The following DACH1 variants were observed in gnomAD, a reference collection of about 807,000 sequenced individuals.
DACH1 encodes dachshund homolog 1.
DACH1 carries 12 observed loss-of-function variants against 54.2 expected under a neutral mutation model. The ratio of observed to expected loss-of-function variants is 0.22; its 90% CI spans 0.14 to 0.36. The LOEUF is 0.36. Ranked by LOEUF, DACH1 falls within the 10% of genes least tolerant of loss-of-function variation. The probability of loss-of-function intolerance (pLI) is 1.00; values close to 1 mark genes in which losing one functional copy is unlikely to be tolerated. For missense variants in DACH1, 805 were observed against 929.8 expected, an observed-to-expected ratio of 0.87 and a Z score of 1.75; for synonymous variants, 386 against 366.2, an observed-to-expected ratio of 1.05 and a Z score of -0.62.
chr13:71,545,699 C>CA (rs959425978), intron 6 of DACH1, among the ~76,000 whole-genome samples: 3 of 152,018 alleles, frequency 2.0e-5, no homozygotes, highest in African/African-American at 4.8e-5. Context: ...ATATAGTCCA[C>CA]AAAATAATTC....
At chr13:71,472,423 T>C (rs905456582) in intron 10 of DACH1, among the ~76,000 whole-genome samples, 1 of 152,192 alleles carries the variant, frequency 6.6e-6, no homozygotes, top group African/African-American at 2.4e-5. Context: ...GGGTAATTAC[T>C]TAGCACTCAA....
chr13:71,443,797 G>A (rs1874214074), intron 10 of DACH1, among the ~76,000 whole-genome samples: 1 of 151,990 alleles, frequency 6.6e-6, no homozygotes, highest in South Asian at 2.1e-4. Flanking sequence ...AGACATTTTG[G>A]TATTAAATAA....
chr13:71,557,871 A>C (rs2138377785), intron 5 of DACH1, among the ~76,000 whole-genome samples: 1 of 151,968 alleles, frequency 6.6e-6, no homozygotes, highest in East Asian at 1.9e-4. Flanking sequence ...AGTTACTGAA[A>C]GACAAAATGG....
chr13:71,568,030 G>T (rs980128249), intron 4 of DACH1, among the ~76,000 whole-genome samples: 1 of 151,798 alleles, frequency 6.6e-6, no homozygotes, highest in African/African-American at 2.4e-5. Context: ...GATTTATATT[G>T]TTTATTTTAC....
At chr13:71,456,415 T>A (rs1875568422) in intron 10 of DACH1, among the ~76,000 whole-genome samples, 1 of 152,046 alleles carries the variant, frequency 6.6e-6, no homozygotes, top group Admixed American at 6.6e-5. Flanking sequence ...TTCCCATCAC[T>A]AGTGATTGTG....
intron 1 of DACH1, among the ~76,000 whole-genome samples, chr13:71,813,870 C>T (rs1285729231): frequency 6.6e-6 from 1 of 152,052 alleles, no homozygotes; most frequent in African/African-American, 2.4e-5. Flanking sequence ...GACCCAAAGC[C>T]TAAAGAGATG....
chr13:71,763,811 C>T (rs7139667), intron 1 of DACH1, among the ~76,000 whole-genome samples: 31,833 of 152,166 alleles, frequency 0.21, 5,431 homozygotes, highest in East Asian at 0.86. Context: ...GCAGAAAACA[C>T]TGGTCAAAAT....
At chr13:71,548,348 A>T (rs887851984) in intron 6 of DACH1, among the ~76,000 whole-genome samples, 3 of 152,142 alleles carry the variant, frequency 2.0e-5, no homozygotes, top group African/African-American at 7.2e-5. Context: ...TTCCATAAAA[A>T]CATCATCATA....
At chr13:71,506,210 T>C (rs1205630641) in intron 6 of DACH1, among the ~76,000 whole-genome samples, 1 of 151,496 alleles carries the variant, frequency 6.6e-6, no homozygotes, top group East Asian at 2.0e-4. Flanking sequence ...TATGTATACA[T>C]GTGCCATGCT....
chr13:71,525,241 C>T (rs773893515), intron 6 of DACH1, among the ~76,000 whole-genome samples: 24 of 152,212 alleles, frequency 1.6e-4, no homozygotes, highest in Middle Eastern at 3.4e-3. Context: ...CAAAGTAACA[C>T]TCGTAAAATA....
intron 3 of DACH1, among the ~76,000 whole-genome samples, chr13:71,594,915 G>A (rs1214748422): frequency 6.6e-6 from 1 of 152,142 alleles, no homozygotes; most frequent in African/African-American, 2.4e-5. Flanking sequence ...TCACAAGGCT[G>A]ACATTCTAGT....
chr13:71,801,537 A>T (rs978469156), intron 1 of DACH1, among the ~76,000 whole-genome samples: 1 of 152,140 alleles, frequency 6.6e-6, no homozygotes, highest in Non-Finnish European at 1.5e-5. Flanking sequence ...TTTACAAAAA[A>T]GTTTATCTCT....
At chr13:71,442,876 C>A (rs1431379143) in intron 10 of DACH1, among the ~76,000 whole-genome samples, 1 of 151,650 alleles carries the variant, frequency 6.6e-6, no homozygotes, top group African/African-American at 2.4e-5. Context: ...AATACTGTAA[C>A]ATTTTCCAAC....
At chr13:71,849,742 A>T (rs931429320) in intron 1 of DACH1, among the ~76,000 whole-genome samples, 1 of 152,218 alleles carries the variant, frequency 6.6e-6, no homozygotes, top group South Asian at 2.1e-4. Flanking sequence ...GATGGAGCAG[A>T]TCAGAGAAGA....
chr13:71,816,657 C>CGTATATATATATACACACATATATATAT (rs1887960484), intron 1 of DACH1, among the ~76,000 whole-genome samples: 3 of 22,334 alleles, frequency 1.3e-4, no homozygotes, highest in African/African-American at 2.8e-4. Flanking sequence ...TATATATATA[C>CGTATATATATATACACACATATATATAT]ACGTGTATAT....
At chr13:71,846,198 G>C (rs1368018080) in intron 1 of DACH1, 2 of 230,388 alleles carry the variant, frequency 8.7e-6, no homozygotes, top group Non-Finnish European at 9.2e-6. Flanking sequence ...AGTTATCTGG[G>C]GAAGGTTCAC....
chr13:71,588,214 C>A (rs887187085), intron 3 of DACH1, among the ~76,000 whole-genome samples: 1 of 152,062 alleles, frequency 6.6e-6, no homozygotes, highest in Non-Finnish European at 1.5e-5. Flanking sequence ...GAAAATACTG[C>A]AGCTTTATCA....
At chr13:71,733,511 G>A (rs935279402) in intron 1 of DACH1, among the ~76,000 whole-genome samples, 60 of 151,868 alleles carry the variant, frequency 4.0e-4, no homozygotes, top group African/African-American at 1.1e-3. Context: ...TTTATTCTTC[G>A]GACCCACTTT....
intron 6 of DACH1, among the ~76,000 whole-genome samples, chr13:71,519,883 G>GTATATATATATATA (rs57190375): frequency 0.015 from 445 of 29,322 alleles, 36 homozygotes; most frequent in African/African-American, 0.023. Context: ...AACCAAAGTA[G>GTATATATATATATA]TATATATATA....
Sources: gnomAD v4.1 joint callset for allele counts (sites outside exome capture counted in the v4.1 genomes callset) on GRCh38, gnomAD v4.1.1 for gene constraint, MANE v1.5 for transcripts, NCBI Gene and HGNC (gene_info 2026-07-23, HGNC 2026-07-21) for gene names.